PLEKHA8: variants seen among roughly 807,000 people sequenced by gnomAD.
PLEKHA8 encodes the protein pleckstrin homology domain-containing family A member 8.
In PLEKHA8, 36 loss-of-function variants were observed where a neutral mutation model predicts 68.2. The ratio of observed to expected loss-of-function variants is 0.53; its 90% confidence interval spans 0.40 to 0.70. The LOEUF (loss-of-function observed/expected upper bound fraction) is 0.70. Ranked by LOEUF, PLEKHA8 falls within the 30% of genes least tolerant of loss-of-function variation. The pLI, the probability that PLEKHA8 is intolerant of heterozygous loss-of-function variation, is 0.00. For synonymous variants in PLEKHA8, 211 were observed against 216.1 expected, an observed-to-expected ratio of 0.98 and a Z score of 0.20; for missense variants, 505 against 615.4, an observed-to-expected ratio of 0.82 and a Z score of 1.90.
At position 30,080,780 on chromosome 7, in the gene PLEKHA8, A is replaced by G; in HGVS notation, c.*1993A>G. 1.0e-6 allele frequency: 1 copy of G among 985,310 alleles called. No individual in the cohort carries two copies. The highest frequency in any genetic ancestry group is 1.2e-6 in the Non-Finnish European group (1 of 829,912). The allele number at this position is 985,310 out of a possible 1,614,324, so 61.0% of individuals were successfully genotyped here. On this transcript the variant is annotated 3_prime_UTR_variant, in exon 14 of 14. Coordinates refer to ENST00000449726, the MANE Select transcript of PLEKHA8 (RefSeq NM_001197026.2). ...GTATAGATCTCCTTCTCTGATTAGT[A>G]TGAATATGATGGCAGGACTCGGGGA...
In PLEKHA8 at chr7:30,062,699, G is replaced by A; in HGVS notation, c.1257G>A (p.Leu419=). 6.2e-7 allele frequency: 1 copy of A among 1,613,020 alleles called. No homozygotes were observed. Among genetic ancestry groups the A allele is most frequent in the Non-Finnish European group, 8.5e-7 (1 of 1,179,308 alleles). The change falls in exon 12 of 14, where the codon TTG becomes TTA. Residue 419 remains leucine (L), a synonymous_variant. Transcript: ENST00000449726. The part of the protein sequence containing the change: ...KRGLKFLKGF[L]TEVKNGEKDI... ...GTCTCAAATTTTTGAAGGGATTTTT[G>A]ACAGAAGTGAAAAATGGGGAGAAGG...
chr7:30,123,071 A>T (rs747528293), intron 13 of PLEKHA8, among the ~76,000 whole-genome samples: 2 of 152,192 alleles, frequency 1.3e-5, no homozygotes, highest in Non-Finnish European at 2.9e-5. Context: ...TGACAACCAG[A>T]AGACCATTGA....
chr7:30,090,330 T>C, exon 13 of PLEKHA8: 2 of 897,578 alleles, frequency 2.2e-6, no homozygotes, highest in Non-Finnish European at 3.3e-6. Flanking sequence ...TCCGAAGTTC[T>C]GAGTAGGAAA....
intron 1 of PLEKHA8, among the ~76,000 whole-genome samples, chr7:30,042,403 A>G (rs1459049834): frequency 6.6e-6 from 1 of 152,222 alleles, no homozygotes; most frequent in Non-Finnish European, 1.5e-5. Context: ...CTTAAATTTG[A>G]TAAAATACAG....
chr7:30,090,896 C>T (rs1389280278), downstream of PLEKHA8, among the ~76,000 whole-genome samples: 1 of 152,180 alleles, frequency 6.6e-6, no homozygotes, highest in Non-Finnish European at 1.5e-5. Flanking sequence ...CATGGTGGCT[C>T]ACACCTGTAA....
Position 30,079,018 on chromosome 7 carries a change from A to G in PLEKHA8, c.*231A>G, listed in dbSNP as rs187929104. ...GCAGGCCTACTGGAAACCAAATGATAAGCTGCTGTAGACTTGAACAGCAAG... is the reference window on the plus strand; with the variant it reads ...GCAGGCCTACTGGAAACCAAATGATGAGCTGCTGTAGACTTGAACAGCAAG... On this transcript the variant is annotated 3_prime_UTR_variant, in exon 14 of 14. Transcript: ENST00000449726. 3.4e-4 allele frequency: 448 copies of G among 1,300,826 alleles called. 4 individuals carry two copies. The African/African-American group carries it at 6.1e-3, about 18-fold the overall frequency. 80.6% of individuals were successfully genotyped at this position (1,300,826 alleles called of 1,614,324 possible).
intron 13 of PLEKHA8, among the ~76,000 whole-genome samples, chr7:30,110,417 C>T (rs1796233925): frequency 6.6e-6 from 1 of 152,104 alleles, no homozygotes; most frequent in African/African-American, 2.4e-5. Context: ...ATCCATTCAC[C>T]AGTTAATGAG....
chr7:30,078,458 A>G (rs1002069288), intron 13 of PLEKHA8, 132 bp from the exon 14 acceptor site: 6 of 925,644 alleles, frequency 6.5e-6, no homozygotes, highest in Non-Finnish European at 8.2e-6. Context: ...AAGGGTAGTC[A>G]TATTTCTTTA....
At chr7:30,115,731 CGT>C (rs978135493) in intron 13 of PLEKHA8, 5 of 119,448 alleles carry the variant, frequency 4.2e-5, no homozygotes, top group African/African-American at 1.5e-4. Flanking sequence ...CATGCATACA[CGT>C]ATACATGTAT....
rs376806038 is a variant in PLEKHA8 at position 30,065,551 on chromosome 7, T to C, written c.1300+2809T>C. On this transcript the variant is annotated intron_variant, in intron 12 of 13. Transcript: ENST00000449726. ...TTCTTCTGGGATAATGGTTCCTTTT[T>C]CTCATTTTGAAGTCCCAGCCTTCAT... Among the ~76,000 whole-genome samples the C allele has an allele frequency of 1.8e-4, 28 of 152,308 alleles. 1 individual carries two copies. The East Asian group carries it at 5.4e-3, about 29-fold the overall frequency.
intron 12 of PLEKHA8, among the ~76,000 whole-genome samples, chr7:30,073,780 G>T (rs1794421069): frequency 6.6e-6 from 1 of 151,998 alleles, no homozygotes; most frequent in South Asian, 2.1e-4. Context: ...CTGAGCCCAG[G>T]AGTTCCAGAA....
chr7:30,120,441 T>C lies in PLEKHA8; in HGVS notation c.1363-8825T>C, dbSNP rs889445253. 4.6e-5 allele frequency among the ~76,000 whole-genome samples: 7 copies of C among 152,224 alleles called. No homozygotes were observed. In the South Asian group the frequency reaches 6.2e-4, roughly 14 times the overall value. On this transcript the variant is annotated intron_variant, in intron 13 of 13. Coordinates refer to the PLEKHA8 transcript ENST00000396257. ...AATTTAAACAGTTGGCTGCCTGTGA[T>C]TGGCCAAACTAACACCTGTAAAGGA...
intron 13 of PLEKHA8, among the ~76,000 whole-genome samples, chr7:30,120,760 G>C (rs970785871): frequency 1.3e-5 from 2 of 152,170 alleles, no homozygotes; most frequent in African/African-American, 4.8e-5. Flanking sequence ...TTGATTGGTG[G>C]CCACCTTGCT....
rs1441747551 is a variant in PLEKHA8, at chr7:30,080,263, C to G, written c.*1476C>G. ...GCATTCTTCTGCACAGTGTGATGCT[C>G]CAACCCTGGCCCTAGTCTCAGTAGA... On this transcript the variant is annotated 3_prime_UTR_variant, in exon 14 of 14. Transcript: ENST00000449726. The G allele has an allele frequency of 2.0e-6, 2 of 985,280 alleles. No homozygotes were observed. The highest frequency in any genetic ancestry group is 3.5e-5 in the African/African-American group (2 of 57,230). The allele number at this position is 985,280 out of a possible 1,614,324, so 61.0% of individuals were successfully genotyped here. A position where few individuals can be genotyped will look rare whatever the true frequency, so the allele number is the denominator to read the frequency against.
At chr7:30,064,411 T>C (rs1308382955) in intron 12 of PLEKHA8, among the ~76,000 whole-genome samples, 1 of 152,104 alleles carries the variant, frequency 6.6e-6, no homozygotes, top group African/African-American at 2.4e-5. Flanking sequence ...AGTATGGTGT[T>C]GCGTGCCTGT....
Position 30,028,618 on chromosome 7 carries a change from C to T in PLEKHA8, c.-145C>T, listed in dbSNP as rs962719412. The stretch of plus-strand genomic sequence containing the variant: ...CCCCGGGCCGAGGATGTGAGGCGGG[C>T]CGGGCGTCCCCACACCGGGCCCGGG... On this transcript the variant is annotated 5_prime_UTR_variant, in exon 1 of 14. Coordinates refer to ENST00000449726, the MANE Select transcript of PLEKHA8 (RefSeq NM_001197026.2). 3.8e-6 allele frequency: 2 copies of T among 519,658 alleles called. No individual in the cohort carries two copies. Among genetic ancestry groups the T allele is most frequent in the Admixed American group, 4.5e-5 (1 of 22,380 alleles). The allele number at this position is 519,658 out of a possible 1,614,324, so 32.2% of individuals were successfully genotyped here.
chr7:30,029,849 A>G (rs1790521401), intron 1 of PLEKHA8, among the ~76,000 whole-genome samples: 1 of 152,202 alleles, frequency 6.6e-6, no homozygotes, highest in Non-Finnish European at 1.5e-5. Flanking sequence ...CATACATAGT[A>G]ACTTCGAGGA....
Position 30,083,412 on chromosome 7 carries a change from A to G in PLEKHA8, c.*4625A>G, listed in dbSNP as rs1795040601. ...CATTAGGAGTTCTTTCAACAATTCCATAAATATACTGTTTACTAGACCTTC... is the reference window on the plus strand; with the variant it reads ...CATTAGGAGTTCTTTCAACAATTCCGTAAATATACTGTTTACTAGACCTTC... On this transcript the variant is annotated 3_prime_UTR_variant, in exon 14 of 14. Coordinates refer to ENST00000449726, the MANE Select transcript of PLEKHA8 (RefSeq NM_001197026.2). The G allele has an allele frequency of 1.0e-6, 1 of 985,056 alleles. No individual in the cohort carries two copies. Among genetic ancestry groups the G allele is most frequent in the Admixed American group, 6.1e-5 (1 of 16,282 alleles). 61.0% of individuals were successfully genotyped at this position (985,056 alleles called of 1,614,324 possible). A position where few individuals can be genotyped will look rare whatever the true frequency, so the allele number is the denominator to read the frequency against.
At chr7:30,097,617 G>A (rs1251985280) in intron 13 of PLEKHA8, among the ~76,000 whole-genome samples, 1 of 151,906 alleles carries the variant, frequency 6.6e-6, no homozygotes, top group African/African-American at 2.4e-5. Context: ...AGTTGATCAC[G>A]TTGGCTACTG....
Sources: gnomAD v4.1 joint callset for allele counts (sites outside exome capture counted in the v4.1 genomes callset) on GRCh38, gnomAD v4.1.1 for gene constraint, MANE v1.5 for transcripts, NCBI Gene and HGNC (gene_info 2026-07-23, HGNC 2026-07-21) for gene names.